SEMA5A: variants seen among roughly 807,000 people sequenced by gnomAD.
The protein encoded by SEMA5A is semaphorin 5A, also known as semaphorin-5A.
In SEMA5A, 55 loss-of-function variants were observed where a neutral mutation model predicts 135.5. The observed-to-expected ratio is 0.41, with a 90% confidence interval of 0.33 to 0.51. The LOEUF (loss-of-function observed/expected upper bound fraction) is 0.51. SEMA5A is among the 20% of genes least tolerant of loss of function. The pLI, the probability that SEMA5A is intolerant of heterozygous loss-of-function variation, is 0.37. For synonymous variants in SEMA5A, 580 were observed against 546.5 expected, an observed-to-expected ratio of 1.06 and a Z score of -0.85; for missense variants, 1,290 against 1,419.9, an observed-to-expected ratio of 0.91 and a Z score of 1.47.
At chr5:9,152,680 T>A (rs1248747436) in intron 12 of SEMA5A, among the ~76,000 whole-genome samples, 1 of 152,236 alleles carries the variant, frequency 6.6e-6, no homozygotes, top group South Asian at 2.1e-4. Context: ...TGCTTAAATT[T>A]TATACTCTAT....
At chr5:9,497,428 C>T (rs1297093893) in intron 1 of SEMA5A, among the ~76,000 whole-genome samples, 3 of 152,140 alleles carry the variant, frequency 2.0e-5, no homozygotes, top group South Asian at 2.1e-4. Context: ...GCTATAGTGC[C>T]GATAATGGAG....
chr5:9,430,497 C>T (rs1757818987), intron 2 of SEMA5A, among the ~76,000 whole-genome samples: 1 of 152,106 alleles, frequency 6.6e-6, no homozygotes, highest in African/African-American at 2.4e-5. Flanking sequence ...GACACTGAAC[C>T]TTATGGGACT....
chr5:9,511,115 T>C (rs1736181504), intron 1 of SEMA5A, among the ~76,000 whole-genome samples: 1 of 152,174 alleles, frequency 6.6e-6, no homozygotes, highest in African/African-American at 2.4e-5. Flanking sequence ...ATATACTCAT[T>C]CAAACCCTAT....
rs1429397780 is a variant in SEMA5A at position 9,269,252 on chromosome 5, C to T, written c.271-31362G>A. Among the ~76,000 whole-genome samples, 8 of 152,068 alleles carry T rather than the reference C, an allele frequency of 5.3e-5. 1 individual carries two copies. The highest frequency in any genetic ancestry group is 4.8e-5 in the African/African-American group (2 of 41,410). On this transcript the variant is annotated intron_variant, in intron 5 of 22. Coordinates refer to ENST00000382496, the MANE Select transcript of SEMA5A (RefSeq NM_003966.3). ...CCCAGCTCTGTGAGAGACACCTTGG[C>T]GCCAGATGGCAGGCAGGAGATGGCC...
At position 9,063,329 on chromosome 5, in the gene SEMA5A, A is replaced by T. The variant is rs138795815; in HGVS notation, c.2300-224T>A. On this transcript the variant is annotated intron_variant, in intron 17 of 22. Coordinates refer to ENST00000382496, the MANE Select transcript of SEMA5A (RefSeq NM_003966.3). ...TTACTATGAAATAAGGTTGAAATTA[A>T]GAACTCCATGTGAATGTGGTGAACC... Among the ~76,000 whole-genome samples, 117 of 152,354 alleles carry T rather than the reference A, an allele frequency of 7.7e-4. 1 individual carries two copies. Among genetic ancestry groups the T allele is most frequent in the African/African-American group, 2.5e-3 (102 of 41,584 alleles).
At chr5:9,103,606 CATG>C (rs998563730) in intron 16 of SEMA5A, among the ~76,000 whole-genome samples, 6 of 152,142 alleles carry the variant, frequency 3.9e-5, no homozygotes, top group Non-Finnish European at 7.3e-5. Context: ...TCACGCTTTA[CATG>C]ATATTTCAGT....
At chr5:9,067,582 TA>T in intron 16 of SEMA5A, among the ~76,000 whole-genome samples, 7 of 7,856 alleles carry the variant, frequency 8.9e-4, no homozygotes, top group African/African-American at 2.7e-3. Context: ...AGCTTTATCA[TA>T]AAATAAAATA....
rs1401868615 is a variant in SEMA5A, at chr5:9,337,773, G to A, written c.164C>T (p.Ala55Val). Residue 55 changes from alanine (A) to valine (V), a missense_variant, in exon 4 of 23, where the codon GCT becomes GTT. Physicochemically the swap from Ala to Val is moderately conservative, Grantham distance 64. Around this residue, in one of 3 missense-constraint regions of SEMA5A, gnomAD observed 116 missense variants for 121.3 expected, o/e 0.96. Transcript: ENST00000382496. ...PWLREFRAKN[A>V]VDFSQLTFDP... ...AAATGTTAACTGCGAGAAATCCACA[G>A]CATTCTTCGCTCTGAACTCCCGTAA... 1 of 1,611,416 alleles carries A rather than the reference G, an allele frequency of 6.2e-7. No individual in the cohort carries two copies. The highest frequency in any genetic ancestry group is 1.7e-5 in the Admixed American group (1 of 59,964).
chr5:9,482,384 A>G (rs1403350953), intron 1 of SEMA5A, among the ~76,000 whole-genome samples: 2 of 152,212 alleles, frequency 1.3e-5, no homozygotes, highest in East Asian at 1.9e-4. Flanking sequence ...AGAGCAAATA[A>G]ATTTTGATTG....
At chr5:9,370,937 G>T (rs1277516566) in intron 3 of SEMA5A, among the ~76,000 whole-genome samples, 1 of 152,122 alleles carries the variant, frequency 6.6e-6, no homozygotes, top group African/African-American at 2.4e-5. Flanking sequence ...CAGATGAATT[G>T]CCCATTTAAT....
chr5:9,202,935 T>C (rs1472916032), intron 8 of SEMA5A, among the ~76,000 whole-genome samples: 1 of 152,114 alleles, frequency 6.6e-6, no homozygotes, highest in Non-Finnish European at 1.5e-5. Flanking sequence ...AGACATTGCT[T>C]TGTAGTTTTC....
At chr5:9,196,084 G>A (rs1414209592) in intron 10 of SEMA5A, among the ~76,000 whole-genome samples, 1 of 152,228 alleles carries the variant, frequency 6.6e-6, no homozygotes, top group East Asian at 1.9e-4. Flanking sequence ...GAAGCATCTA[G>A]CACAGGGTCT....
At chr5:9,530,013 G>A (rs1290096706) in intron 1 of SEMA5A, among the ~76,000 whole-genome samples, 4 of 152,186 alleles carry the variant, frequency 2.6e-5, no homozygotes, top group African/African-American at 4.8e-5. Flanking sequence ...AGGCTCAGCA[G>A]CCAGCACAGG....
chr5:9,491,439 C>T (rs1407413734), intron 1 of SEMA5A, among the ~76,000 whole-genome samples: 3 of 152,042 alleles, frequency 2.0e-5, no homozygotes, highest in Non-Finnish European at 2.9e-5. Flanking sequence ...ATTGCCCCAC[C>T]CCCACCAGCC....
intron 12 of SEMA5A, among the ~76,000 whole-genome samples, chr5:9,154,133 G>C (rs902255164): frequency 1.3e-4 from 18 of 142,432 alleles, no homozygotes; most frequent in Admixed American, 2.9e-4. Flanking sequence ...GTATGTGTGT[G>C]TGTGTATATA....
rs1346569318 is a variant in SEMA5A, at chr5:9,036,205, C to G, written c.*6692G>C. ...TAAGTGCTTGGGTTAAAGATTCATACTGTGCTTTGTTTCAAAGTGCAGAGG... is the reference window on the plus strand; with the variant it reads ...TAAGTGCTTGGGTTAAAGATTCATAGTGTGCTTTGTTTCAAAGTGCAGAGG... On this transcript the variant is annotated 3_prime_UTR_variant, in exon 23 of 23. Transcript: ENST00000382496. 6.6e-6 allele frequency: 1 copy of G among 152,164 alleles called. No individual in the cohort carries two copies. The highest frequency in any genetic ancestry group is 1.5e-5 in the Non-Finnish European group (1 of 68,026). 9.4% of individuals were successfully genotyped at this position (152,164 alleles called of 1,614,324 possible).
chr5:9,419,871 C>A (rs1407875702), intron 2 of SEMA5A, among the ~76,000 whole-genome samples: 1 of 152,094 alleles, frequency 6.6e-6, no homozygotes, highest in East Asian at 1.9e-4. Context: ...AAATTAAGAA[C>A]AACTTTTGTT....
chr5:9,061,004 C>T (rs566402148), intron 18 of SEMA5A, among the ~76,000 whole-genome samples: 12 of 151,790 alleles, frequency 7.9e-5, no homozygotes, highest in Non-Finnish European at 1.8e-4. Flanking sequence ...TTCACCAACT[C>T]GTTTCTGTCC....
chr5:9,281,183 T>A (rs1400219490), intron 5 of SEMA5A, among the ~76,000 whole-genome samples: 1 of 152,256 alleles, frequency 6.6e-6, no homozygotes, highest in Non-Finnish European at 1.5e-5. Flanking sequence ...TGTACTTTGA[T>A]AATGTATCTT....
Sources: allele counts gnomAD v4.1 joint callset (sites outside exome capture counted in the v4.1 genomes callset), GRCh38; gene constraint gnomAD v4.1.1; regional missense constraint gnomAD v4.1.1; transcripts MANE v1.5; gene names NCBI Gene and HGNC (gene_info 2026-07-23, HGNC 2026-07-21).